The following CGNL1 variants were observed in gnomAD, a reference collection of about 807,000 sequenced individuals.
The protein encoded by CGNL1 is cingulin like 1.
A neutral mutation model predicts 141.2 loss-of-function variants in CGNL1; 132 were observed. That is an observed-to-expected ratio of 0.93 (90% CI 0.81 to 1.08). The LOEUF (loss-of-function observed/expected upper bound fraction) is 1.08, where lower values mean the gene tolerates loss of function less well. CGNL1 is among the 50% of genes least tolerant of loss of function. CGNL1 has a pLI of 0.00. For missense variants in CGNL1, 1,870 were observed against 1,588.6 expected (o/e 1.18, Z -3.01); for synonymous variants, 690 against 622.1 (o/e 1.11, Z -1.63).
chr15:57,427,082 T>C (rs2062984362), intron 1 of CGNL1, among the ~76,000 whole-genome samples: 1 of 152,014 alleles, frequency 6.6e-6, no homozygotes, highest in African/African-American at 2.4e-5. Flanking sequence ...AGGATTTGGG[T>C]TTGGGTAGTC....
intron 8 of CGNL1, among the ~76,000 whole-genome samples, chr15:57,492,947 T>A (rs1159487963): frequency 6.6e-6 from 1 of 152,180 alleles, no homozygotes; most frequent in African/African-American, 2.4e-5. Flanking sequence ...GGCATTTTAT[T>A]TCCAGATTTT....
chr15:57,477,366 C>T (rs1469382871), intron 8 of CGNL1: 2 of 152,172 alleles, frequency 1.3e-5, no homozygotes, highest in Non-Finnish European at 2.9e-5. Flanking sequence ...GCAACGAAGA[C>T]TTAGATGCTA....
chr15:57,453,794 C>T lies in CGNL1; in HGVS notation c.2166C>T (p.Asp722=). 6.2e-7 allele frequency: 1 copy of T among 1,613,712 alleles called. No individual in the cohort carries two copies. Among genetic ancestry groups the T allele is most frequent in the Non-Finnish European group, 8.5e-7 (1 of 1,179,912 alleles). Residue 722 remains aspartate (D), a synonymous_variant, in exon 7 of 19, where the codon GAC becomes GAT. Coordinates refer to ENST00000281282, the MANE Select transcript of CGNL1 (RefSeq NM_032866.5). The part of the protein sequence containing the change: ...DELDSAKRSE[D]REKGALIEEL... Reference sequence around the variant, plus strand: ...TGGACAGTGCAAAGCGATCGGAGGACAGGGAGAAGGGAGCTCTGATTGAGG... The same window carrying T: ...TGGACAGTGCAAAGCGATCGGAGGATAGGGAGAAGGGAGCTCTGATTGAGG...
At position 57,405,724 on chromosome 15, in the gene CGNL1, G is replaced by C. The variant is rs912949101; in HGVS notation, c.-16+29157G>C. Among the ~76,000 whole-genome samples, 16 of 141,900 alleles carry C rather than the reference G, an allele frequency of 1.1e-4. No individual in the cohort carries two copies. In the South Asian group the frequency reaches 1.7e-3, roughly 15 times the overall value. The allele number at this position is 141,900 out of a possible 152,430, so 93.1% of individuals were successfully genotyped here. A position where few individuals can be genotyped will look rare whatever the true frequency, so the allele number is the denominator to read the frequency against. ...TAAGAAGATAGAAAAACTCGCAGAA[G>C]GTGTGGACCTTTTCTTTCTTTTCCT... On this transcript the variant is annotated intron_variant, in intron 1 of 18. Transcript: ENST00000281282.
chr15:57,443,479 G>A (rs1209600162), intron 4 of CGNL1, among the ~76,000 whole-genome samples: 1 of 152,212 alleles, frequency 6.6e-6, no homozygotes, highest in Non-Finnish European at 1.5e-5. Flanking sequence ...GCAGGTAACA[G>A]GAAACTTGTC....
chr15:57,415,982 C>T lies in CGNL1; in HGVS notation c.-15-22003C>T, dbSNP rs560014580. On this transcript the variant is annotated intron_variant, in intron 1 of 18. Coordinates refer to ENST00000281282, the MANE Select transcript of CGNL1 (RefSeq NM_032866.5). ...CGTGGGATCCCTGCTCTGGGGCCTC[C>T]GTGTTGTGAATGCACCTCCTCTCTG... Among the ~76,000 whole-genome samples the T allele has an allele frequency of 2.0e-5, 3 of 152,240 alleles. No individual in the cohort carries two copies. The South Asian group carries it at 6.2e-4, about 32-fold the overall frequency.
In CGNL1 at chr15:57,523,594, A is replaced by G. The variant is rs1441586920; in HGVS notation, c.2821A>G (p.Asn941Asp). The G allele has an allele frequency of 1.2e-6, 2 of 1,614,006 alleles. No homozygotes were observed. The highest frequency in any genetic ancestry group is 2.7e-5 in the African/African-American group (2 of 74,898). Residue 941 changes from asparagine to aspartate, a missense_variant, in exon 11 of 19, where the codon AAT becomes GAT. Physicochemically the swap from Asn to Asp is conservative, Grantham distance 23. Transcript: ENST00000281282. ...QLRRLKNEME[N>D]ERWHLGKTIE... The stretch of plus-strand genomic sequence containing the variant: ...AAGAAGGTTGAAGAACGAGATGGAG[A>G]ATGAGCGGTGGCACCTGGGCAAAAC...
At chr15:57,512,750 G>A (rs1172543894) in intron 8 of CGNL1, among the ~76,000 whole-genome samples, 1 of 152,128 alleles carries the variant, frequency 6.6e-6, no homozygotes, top group Non-Finnish European at 1.5e-5. Context: ...CATTCTTCCT[G>A]AGATTTCCGG....
chr15:57,448,878 G>A (rs2063288837), intron 4 of CGNL1, among the ~76,000 whole-genome samples: 1 of 151,682 alleles, frequency 6.6e-6, no homozygotes, highest in Non-Finnish European at 1.5e-5. Context: ...TAGATGTTCT[G>A]GAATGTGTTA....
At chr15:57,540,564 C>A (rs2032510412) in intron 14 of CGNL1, among the ~76,000 whole-genome samples, 1 of 152,154 alleles carries the variant, frequency 6.6e-6, no homozygotes, top group South Asian at 2.1e-4. Flanking sequence ...TCAGGCAAAC[C>A]ATATTACCCT....
chr15:57,512,965 A>G lies in CGNL1; in HGVS notation c.2404-3815A>G, dbSNP rs536429746. Among the ~76,000 whole-genome samples, 61 of 151,444 alleles carry G rather than the reference A, an allele frequency of 4.0e-4. 1 individual carries two copies. Among genetic ancestry groups the G allele is most frequent in the Admixed American group, 6.6e-4 (10 of 15,232 alleles). ...TTGTTTACCCTTTTTTTTTTTAAAC[A>G]GCTGTATTAAGATATAATTCATATA... On this transcript the variant is annotated intron_variant, in intron 8 of 18. Coordinates refer to ENST00000281282, the MANE Select transcript of CGNL1 (RefSeq NM_032866.5).
At chr15:57,459,144 C>T (rs1475717810) in intron 7 of CGNL1, among the ~76,000 whole-genome samples, 3 of 152,184 alleles carry the variant, frequency 2.0e-5, no homozygotes, top group Non-Finnish European at 2.9e-5. Flanking sequence ...TCTGATTACC[C>T]AGGGGTTCCA....
chr15:57,447,122 TTA>T, intron 4 of CGNL1, among the ~76,000 whole-genome samples: 1 of 152,172 alleles, frequency 6.6e-6, no homozygotes, highest in Non-Finnish European at 1.5e-5. Context: ...CGTCTTAATA[TTA>T]TTGGTGTTCT....
intron 1 of CGNL1, among the ~76,000 whole-genome samples, chr15:57,395,472 G>A (rs1461876809): frequency 1.3e-5 from 2 of 152,176 alleles, no homozygotes; most frequent in African/African-American, 4.8e-5. Flanking sequence ...GCTGTGATTC[G>A]CGTTATGCAC....
chr15:57,463,038 G>A (rs1196273049), intron 8 of CGNL1, among the ~76,000 whole-genome samples: 1 of 152,104 alleles, frequency 6.6e-6, no homozygotes, highest in Admixed American at 6.5e-5. Flanking sequence ...TCAGGTACAT[G>A]CCAATAGGCT....
At chr15:57,452,391 A>C in intron 6 of CGNL1, 102 bp downstream of exon 6, 1 of 1,073,280 alleles carries the variant, frequency 9.3e-7, no homozygotes, top group Non-Finnish European at 1.3e-6. Context: ...CCAAATATTT[A>C]TAAAGGCAGC....
At chr15:57,421,730 G>T (rs2062917356) in intron 1 of CGNL1, among the ~76,000 whole-genome samples, 1 of 152,016 alleles carries the variant, frequency 6.6e-6, no homozygotes, top group Admixed American at 6.5e-5. Flanking sequence ...CTGGATCTGG[G>T]TCCCGTCCCT....
At chr15:57,401,790 C>T (rs2062663225) in intron 1 of CGNL1, among the ~76,000 whole-genome samples, 1 of 152,140 alleles carries the variant, frequency 6.6e-6, no homozygotes, top group Non-Finnish European at 1.5e-5. Flanking sequence ...TCTTCAGTAA[C>T]CAAAAACTTG....
chr15:57,500,528 A>T (rs1333412359), intron 8 of CGNL1, among the ~76,000 whole-genome samples: 38 of 152,228 alleles, frequency 2.5e-4, no homozygotes, highest in Admixed American at 2.5e-3. Flanking sequence ...CCTGAGCTGG[A>T]ATTCCAGCCA....
Sources: gnomAD v4.1 joint callset for allele counts (sites outside exome capture counted in the v4.1 genomes callset) on GRCh38, gnomAD v4.1.1 for gene constraint, MANE v1.5 for transcripts, NCBI Gene and HGNC (gene_info 2026-07-23, HGNC 2026-07-21) for gene names.